The following OPHN1 variants were observed in gnomAD, a reference collection of about 807,000 sequenced individuals.
The protein encoded by OPHN1 is oligophrenin-1.
In OPHN1, 11 loss-of-function variants were observed where a neutral mutation model predicts 60.7. The observed-to-expected ratio is 0.18, with a 90% CI of 0.11 to 0.30. The LOEUF (loss-of-function observed/expected upper bound fraction) is 0.30. Among genes scored for constraint, OPHN1 ranks in the 10% least tolerant of loss-of-function variants. The probability of loss-of-function intolerance (pLI) is 1.00; values close to 1 mark genes in which losing one functional copy is unlikely to be tolerated. For synonymous variants in OPHN1, 226 were observed against 222.6 expected (o/e 1.02, Z -0.14); for missense variants, 449 against 611.0 (o/e 0.73, Z 2.80).
At chrX:68,396,462 C>T (rs1233151328) in intron 2 of OPHN1, among the ~76,000 whole-genome samples, 1 of 107,138 alleles carries the variant, frequency 9.3e-6, no homozygotes, top group Admixed American at 1.0e-4. Context: ...CATGTCTCTC[C>T]CTGTGTTTAG....
chrX:68,344,436 AC>A (rs66526255), intron 2 of OPHN1, among the ~76,000 whole-genome samples: 9,828 of 110,232 alleles, frequency 0.089, 472 homozygotes, highest in Middle Eastern at 0.21. Flanking sequence ...ACATGGTGAA[AC>A]CCCACCTTTA....
At chrX:68,261,233 G>A (rs766606642) in intron 5 of OPHN1, among the ~76,000 whole-genome samples, 3 of 111,317 alleles carry the variant, frequency 2.7e-5, no homozygotes, top group Non-Finnish European at 5.7e-5. Flanking sequence ...TTCCTCTCTG[G>A]CAAGGGCACC....
chrX:68,120,443 G>A (rs1856934770), intron 15 of OPHN1, among the ~76,000 whole-genome samples: 1 of 111,722 alleles, frequency 9.0e-6, no homozygotes, highest in African/African-American at 3.3e-5. Flanking sequence ...TCAAGGAAGT[G>A]AATAACTGCT....
At chrX:68,265,662 A>G (rs1487550992) in intron 5 of OPHN1, among the ~76,000 whole-genome samples, 1 of 112,242 alleles carries the variant, frequency 8.9e-6, no homozygotes, top group Non-Finnish European at 1.9e-5. Context: ...CCAGCATCAG[A>G]ACAAAGATGG....
chrX:68,227,352 A>G (rs909944946), intron 6 of OPHN1, among the ~76,000 whole-genome samples: 27 of 111,061 alleles, frequency 2.4e-4, no homozygotes, highest in Non-Finnish European at 4.9e-4. Flanking sequence ...GATCAACGAG[A>G]CAGAAAGTTA....
chrX:68,294,699 T>G (rs186304593), intron 3 of OPHN1, among the ~76,000 whole-genome samples: 1 of 110,564 alleles, frequency 9.0e-6, no homozygotes, highest in East Asian at 2.9e-4. Flanking sequence ...GCTCTAATAG[T>G]AAATCTGGTA....
chrX:68,220,039 C>A (rs1397273404), intron 6 of OPHN1, among the ~76,000 whole-genome samples: 1 of 96,895 alleles, frequency 1.0e-5, no homozygotes, highest in African/African-American at 3.7e-5. Context: ...GCTAGCAAGA[C>A]TAATAAAGAA....
chrX:68,303,556 G>A (rs901039454), intron 2 of OPHN1, among the ~76,000 whole-genome samples: 2 of 109,480 alleles, frequency 1.8e-5, no homozygotes, highest in Non-Finnish European at 3.8e-5. Context: ...GCTGAGGCAG[G>A]AGGATCGCTT....
chrX:68,276,649 C>A (rs2077993076), intron 4 of OPHN1, among the ~76,000 whole-genome samples: 1 of 111,489 alleles, frequency 9.0e-6, no homozygotes, highest in Admixed American at 9.6e-5. Context: ...GACATACCTT[C>A]CATTGAGAGG....
chrX:68,266,827 A>T (rs1283411882), intron 5 of OPHN1, among the ~76,000 whole-genome samples: 2 of 111,319 alleles, frequency 1.8e-5, no homozygotes, highest in Non-Finnish European at 3.8e-5. Context: ...AAAGGGATGG[A>T]AGAAGATCTC....
In OPHN1 at chrX:68,207,214, C is replaced by T. The variant is rs1008644000; in HGVS notation, c.833-541G>A. 3.7e-5 allele frequency among the ~76,000 whole-genome samples: 4 copies of T among 108,366 alleles called. No individual in the cohort carries two copies. The Admixed American group carries it at 4.0e-4, about 11-fold the overall frequency. 94.1% of individuals were successfully genotyped at this position (108,366 alleles called of 115,157 possible). A position where few individuals can be genotyped will look rare whatever the true frequency, so the allele number is the denominator to read the frequency against. On this transcript the variant is annotated intron_variant, in intron 9 of 24. Transcript: ENST00000355520. ...CGCAATCTCAGCTCACTGCAAGCTC[C>T]ACCTCCCCAGTTCACACCATTCTCC...
chrX:68,222,584 G>T (rs1004230707), intron 6 of OPHN1, among the ~76,000 whole-genome samples: 3 of 102,857 alleles, frequency 2.9e-5, no homozygotes, highest in African/African-American at 1.1e-4. Flanking sequence ...ATACACTATG[G>T]AATAGTATGC....
intron 3 of OPHN1, among the ~76,000 whole-genome samples, chrX:68,297,885 A>T (rs752511718): frequency 2.7e-5 from 3 of 111,683 alleles, no homozygotes; most frequent in African/African-American, 9.7e-5. Context: ...AAGAAAACAG[A>T]TATATGTAGA....
chrX:68,235,509 GC>G (rs1465253271), intron 5 of OPHN1, among the ~76,000 whole-genome samples: 2 of 110,836 alleles, frequency 1.8e-5, no homozygotes, highest in African/African-American at 6.6e-5. Flanking sequence ...TGGGCAGGAA[GC>G]TAGGGCAGAG....
chrX:68,378,672 C>A, intron 2 of OPHN1, among the ~76,000 whole-genome samples: 2 of 111,900 alleles, frequency 1.8e-5, no homozygotes, highest in Admixed American at 1.9e-4. Flanking sequence ...TTTCCCAGCA[C>A]CATTTATTAA....
intron 6 of OPHN1, among the ~76,000 whole-genome samples, chrX:68,221,494 A>T (rs12006870): frequency 0.022 from 1,838 of 83,766 alleles, 66 homozygotes; most frequent in African/African-American, 0.073. Flanking sequence ...CAAAAGAACA[A>T]AGCTGGAGGC....
chrX:68,316,917 T>G (rs918284358), intron 2 of OPHN1, among the ~76,000 whole-genome samples: 2 of 111,850 alleles, frequency 1.8e-5, no homozygotes, highest in Non-Finnish European at 3.8e-5. Context: ...CACAGCCATA[T>G]TCTGAGCCAT....
intron 15 of OPHN1, among the ~76,000 whole-genome samples, chrX:68,164,300 T>C (rs951888414): frequency 3.1e-4 from 35 of 112,289 alleles, no homozygotes; most frequent in African/African-American, 1.1e-3. Flanking sequence ...GGAATCACTG[T>C]TTATGGCAGC....
chrX:68,340,308 C>T (rs767437675), intron 2 of OPHN1, among the ~76,000 whole-genome samples: 1 of 112,362 alleles, frequency 8.9e-6, no homozygotes, highest in South Asian at 3.7e-4. Context: ...AAATTTAAAA[C>T]CTTACTACAC....
Sources: gnomAD v4.1 joint callset for allele counts (sites outside exome capture counted in the v4.1 genomes callset) on GRCh38, gnomAD v4.1.1 for gene constraint, MANE v1.5 for transcripts, NCBI Gene and HGNC (gene_info 2026-07-23, HGNC 2026-07-21) for gene names.